ANXA6: variants seen among roughly 807,000 people sequenced by gnomAD.
ANXA6 encodes the protein annexin A6, also known as 67 kDa calelectrin.
A neutral mutation model predicts 95.4 loss-of-function variants in ANXA6; 71 were observed. The observed-to-expected ratio is 0.74, with a 90% confidence interval of 0.61 to 0.91. ANXA6 has a LOEUF of 0.91. Among genes scored for constraint, ANXA6 ranks in the 40% least tolerant of loss-of-function variants. The pLI, the probability that ANXA6 is intolerant of heterozygous loss-of-function variation, is 0.00. For missense variants in ANXA6, 830 were observed against 876.4 expected (o/e 0.95, Z 0.67); for synonymous variants, 289 against 315.9 (o/e 0.91, Z 0.90).
At chr5:151,136,930 A>G (rs187183437) in intron 6 of ANXA6, among the ~76,000 whole-genome samples, 6 of 152,342 alleles carry the variant, frequency 3.9e-5, no homozygotes, top group Admixed American at 2.0e-4. Context: ...TATTTCCTGT[A>G]CAACACTTAG....
intron 12 of ANXA6, among the ~76,000 whole-genome samples, chr5:151,128,996 A>G (rs1343085447): frequency 6.6e-6 from 1 of 150,778 alleles, no homozygotes; most frequent in Admixed American, 6.6e-5. Context: ...ATGTCTCCTG[A>G]TAAAGCCTCA....
chr5:151,139,225 C>T (rs1765755306), intron 4 of ANXA6, 128 bp downstream of exon 4: 1 of 654,812 alleles, frequency 1.5e-6, no homozygotes. Flanking sequence ...AGAAAAAGAG[C>T]AGGGTAAGGT....
chr5:151,138,809 A>C lies in ANXA6; in HGVS notation c.205-18T>G. ...ATGAGGTCCTGGCAGGTGGGGAAGA[A>C]GAGGAGATAGAAGAGGAAAGAGGAA... On this transcript the variant is annotated intron_variant, in intron 4 of 25. Coordinates refer to ENST00000354546, the MANE Select transcript of ANXA6 (RefSeq NM_001155.5). 6.5e-7 allele frequency: 1 copy of C among 1,541,152 alleles called. No individual in the cohort carries two copies. The highest frequency in any genetic ancestry group is 1.4e-5 in the African/African-American group (1 of 73,582).
intron 3 of ANXA6, among the ~76,000 whole-genome samples, chr5:151,139,804 A>G (rs1765775981): frequency 6.6e-6 from 1 of 152,200 alleles, no homozygotes; most frequent in South Asian, 2.1e-4. Flanking sequence ...TTCCACCACA[A>G]GACAAAGAAG....
chr5:151,125,281 G>C (rs1434679097), intron 14 of ANXA6, among the ~76,000 whole-genome samples: 1 of 147,770 alleles, frequency 6.8e-6, no homozygotes, highest in Non-Finnish European at 1.5e-5. Context: ...TGGGGAGGTG[G>C]CAGTGAGCCA....
At chr5:151,147,110 A>C (rs1282078389) in intron 2 of ANXA6, among the ~76,000 whole-genome samples, 2 of 152,152 alleles carry the variant, frequency 1.3e-5, no homozygotes, top group Non-Finnish European at 2.9e-5. Flanking sequence ...CCTACCTCTG[A>C]CCATGGCCAG....
chr5:151,123,773 CA>C (rs1164071136), intron 15 of ANXA6, among the ~76,000 whole-genome samples: 2 of 152,218 alleles, frequency 1.3e-5, no homozygotes, highest in Non-Finnish European at 2.9e-5. Context: ...TTTCTGAGCA[CA>C]GGCCCAGCTG....
At chr5:151,122,826 G>A (rs1181573721) in intron 16 of ANXA6, 91 bp downstream of exon 16, 13 of 1,130,364 alleles carry the variant, frequency 1.2e-5, no homozygotes, top group Non-Finnish European at 1.7e-5. Flanking sequence ...AGACCCTGGT[G>A]CCCAACTGTG....
At chr5:151,133,052 A>G in intron 9 of ANXA6, 42 bp downstream of exon 9, 2 of 1,422,630 alleles carry the variant, frequency 1.4e-6, no homozygotes, top group Non-Finnish European at 1.9e-6. Flanking sequence ...CATTATTGGC[A>G]TCAACCCAAG....
At chr5:151,138,042 C>T (rs1488628184) in intron 5 of ANXA6, among the ~76,000 whole-genome samples, 7 of 152,188 alleles carry the variant, frequency 4.6e-5, no homozygotes, top group African/African-American at 1.7e-4. Context: ...AGATAATAAT[C>T]TCACATTGCT....
chr5:151,122,908 G>T lies in ANXA6; in HGVS notation c.1233+9C>A, dbSNP rs771190395. On this transcript the variant is annotated intron_variant, in intron 16 of 25. Transcript: ENST00000354546. ...ATGTTGCACAGAGAGCCCAGGAGGA[G>T]GTCCTTACCCGGCCAAAGTGAGACT... The T allele has an allele frequency of 1.9e-6, 3 of 1,613,262 alleles. No individual in the cohort carries two copies. Among genetic ancestry groups the T allele is most frequent in the South Asian group, 2.2e-5 (2 of 91,068 alleles).
At chr5:151,108,034 T>C (rs2085571841) in intron 23 of ANXA6, among the ~76,000 whole-genome samples, 1 of 152,128 alleles carries the variant, frequency 6.6e-6, no homozygotes, top group Admixed American at 6.5e-5. Flanking sequence ...GATGTGTGTA[T>C]GTGTGGTGTG....
intron 22 of ANXA6, among the ~76,000 whole-genome samples, chr5:151,109,046 C>T (rs780911456): frequency 1.3e-5 from 2 of 152,100 alleles, no homozygotes; most frequent in Non-Finnish European, 2.9e-5. Context: ...ACAATCATCT[C>T]GGGTAGAGCT....
intron 11 of ANXA6, among the ~76,000 whole-genome samples, chr5:151,130,163 T>G (rs1222039744): frequency 6.6e-6 from 1 of 152,226 alleles, no homozygotes; most frequent in Non-Finnish European, 1.5e-5. Context: ...TGCTGTACTA[T>G]TCCTGATGGT....
intron 7 of ANXA6, among the ~76,000 whole-genome samples, chr5:151,135,661 A>C (rs1765637554): frequency 6.6e-6 from 1 of 152,248 alleles, no homozygotes; most frequent in East Asian, 1.9e-4. Context: ...TCTCCAGCCC[A>C]CTGCAGTCGT....
At chr5:151,142,734 G>A (rs1010989991) in intron 2 of ANXA6, among the ~76,000 whole-genome samples, 1 of 152,218 alleles carries the variant, frequency 6.6e-6, no homozygotes, top group African/African-American at 2.4e-5. Flanking sequence ...GACGGCCCAA[G>A]CTCTGAGATG....
intron 22 of ANXA6, among the ~76,000 whole-genome samples, chr5:151,109,295 C>T (rs1038740472): frequency 1.3e-5 from 2 of 152,150 alleles, no homozygotes; most frequent in Admixed American, 6.5e-5. Flanking sequence ...TCATGATTAC[C>T]GAGTGCCAGG....
At chr5:151,157,189 A>T (rs1260594245) in intron 1 of ANXA6, among the ~76,000 whole-genome samples, 1 of 152,128 alleles carries the variant, frequency 6.6e-6, no homozygotes, top group South Asian at 2.1e-4. Flanking sequence ...CTCTGCACGC[A>T]GGCAGCCCTC....
intron 5 of ANXA6, 34 bp downstream of exon 5, chr5:151,138,644 C>T (rs1765736578): frequency 6.6e-7 from 1 of 1,507,894 alleles, no homozygotes; most frequent in Non-Finnish European, 9.2e-7. Context: ...AACCACATCC[C>T]CACCCCAACA....
Sources: allele counts gnomAD v4.1 joint callset (sites outside exome capture counted in the v4.1 genomes callset), GRCh38; gene constraint gnomAD v4.1.1; transcripts MANE v1.5; gene names NCBI Gene and HGNC (gene_info 2026-07-23, HGNC 2026-07-21).